COL16A1: variants seen among roughly 807,000 people sequenced by gnomAD.
COL16A1 encodes collagen type XVI alpha 1 chain, also known as collagen alpha-1(XVI) chain.
Under a neutral mutation model 266.3 loss-of-function variants are expected in COL16A1, and 189 were observed. The ratio of observed to expected loss-of-function variants is 0.71; its 90% CI spans 0.63 to 0.80. COL16A1 has a LOEUF of 0.80. Among genes scored for constraint, COL16A1 ranks in the 30% least tolerant of loss-of-function variants. The pLI is 0.00. For synonymous variants in COL16A1, 740 were observed against 782.3 expected (o/e 0.95, Z 0.90); for missense variants, 1,928 against 2,122.4 (o/e 0.91, Z 1.80).
rs112718849 is a variant in COL16A1 at position 31,662,203 on chromosome 1, G to A, written c.3681+131C>T. 3.3e-4 allele frequency: 493 copies of A among 1,504,638 alleles called. 5 individuals are homozygous for A. In the South Asian group the frequency reaches 5.2e-3, roughly 16 times the overall value. The allele number at this position is 1,504,638 out of a possible 1,614,324, so 93.2% of individuals were successfully genotyped here. ...GAGCTGGGGTAGAGGGAGACAGACC[G>A]AGGGAGGGCATGGGTGCCCCCTGAC... On this transcript the variant is annotated intron_variant, in intron 58 of 70. Transcript: ENST00000373672.
At chr1:31,692,996 C>T in intron 13 of COL16A1, 96 bp downstream of exon 13, 1 of 1,023,754 alleles carries the variant, frequency 9.8e-7, no homozygotes, top group African/African-American at 1.6e-5. Context: ...AAGCTGCAGG[C>T]TTTCTGCCGG....
intron 39 of COL16A1, among the ~76,000 whole-genome samples, chr1:31,680,381 G>A (rs573341941): frequency 2.0e-5 from 3 of 152,316 alleles, no homozygotes; most frequent in South Asian, 4.1e-4. Flanking sequence ...TTCAGCAAAC[G>A]ATGGTCCTGC....
At position 31,691,038 on chromosome 1, in the gene COL16A1, G is replaced by T. The variant is rs115001741; in HGVS notation, c.1437+150C>A. On this transcript the variant is annotated intron_variant, in intron 20 of 70. Transcript: ENST00000373672. Reference sequence around the variant, plus strand: ...GGGACAGGACGCTCCCCGCCAAGGGGCCTGGCCAAGCCGAGCCCAGCCTCC... The same window carrying T: ...GGGACAGGACGCTCCCCGCCAAGGGTCCTGGCCAAGCCGAGCCCAGCCTCC... 2.6e-4 allele frequency: 334 copies of T among 1,260,648 alleles called. 1 individual carries two copies. The African/African-American group carries it at 4.3e-3, about 16-fold the overall frequency. 78.1% of individuals were successfully genotyped at this position (1,260,648 alleles called of 1,614,324 possible). A position where few individuals can be genotyped will look rare whatever the true frequency, so the allele number is the denominator to read the frequency against.
At chr1:31,665,506 C>A (rs1214975753) in intron 55 of COL16A1, 77 bp downstream of exon 55, 6 of 1,612,386 alleles carry the variant, frequency 3.7e-6, no homozygotes, top group South Asian at 1.1e-5. Flanking sequence ...CATCCTACCC[C>A]AGCCTGGCCT....
intron 52 of COL16A1, among the ~76,000 whole-genome samples, chr1:31,667,146 C>T (rs959715166): frequency 2.0e-5 from 3 of 152,350 alleles, no homozygotes; most frequent in Non-Finnish European, 2.9e-5. Context: ...GCCCAGGTTC[C>T]ACCACTACCT....
Position 31,667,647 on chromosome 1 carries a change from A to G in COL16A1, c.3304-19T>C. ...TGATGCCCTGACAAGTGGCAAAGAG[A>G]CAGTGGAATTAGCCCCACAGAATTA... On this transcript the variant is annotated intron_variant, in intron 51 of 70. Coordinates refer to ENST00000373672, the MANE Select transcript of COL16A1 (RefSeq NM_001856.4). 1 of 1,599,564 alleles carries G rather than the reference A, an allele frequency of 6.3e-7. No homozygotes were observed. The highest frequency in any genetic ancestry group is 8.5e-7 in the Non-Finnish European group (1 of 1,172,856).
Position 31,656,552 on chromosome 1 carries a change from G to A in COL16A1, c.4057-108C>T, listed in dbSNP as rs113026491. Reference sequence around the variant, plus strand: ...CTTCCACAGCCTGAGGCCCCCAGGTGTGTCCAGCCCAGCTCTGTGTGAGAA... The same window carrying A: ...CTTCCACAGCCTGAGGCCCCCAGGTATGTCCAGCCCAGCTCTGTGTGAGAA... On this transcript the variant is annotated intron_variant, in intron 65 of 70. Coordinates refer to ENST00000373672, the MANE Select transcript of COL16A1 (RefSeq NM_001856.4). The surrounding 1 kb of genome is among the most constrained non-coding windows in gnomAD (Gnocchi z 4.2). 16 of 1,515,850 alleles carry A rather than the reference G, an allele frequency of 1.1e-5. 1 individual carries two copies. In the African/African-American group the frequency reaches 1.1e-4, roughly 11 times the overall value. The allele number at this position is 1,515,850 out of a possible 1,614,324, so 93.9% of individuals were successfully genotyped here.
At chr1:31,701,359 C>G in intron 2 of COL16A1, 1 of 985,362 alleles carries the variant, frequency 1.0e-6, no homozygotes, top group Middle Eastern at 5.2e-4. Context: ...CATATGTGCA[C>G]ATACAAGGGG....
chr1:31,654,091 G>A (rs762278038), intron 68 of COL16A1, 48 bp from the exon 69 acceptor site: 2 of 1,566,580 alleles, frequency 1.3e-6, no homozygotes, highest in Non-Finnish European at 1.7e-6. Context: ...GTCCCCCAGG[G>A]ACTCAGAATG....
rs1021518080 is a variant in COL16A1 at position 31,652,871 on chromosome 1, A to C, written c.4613-18T>G. The C allele has an allele frequency of 1.4e-6, 2 of 1,473,412 alleles. No homozygotes were observed. The highest frequency in any genetic ancestry group is 2.9e-5 in the Admixed American group (1 of 34,896). 91.3% of individuals were successfully genotyped at this position (1,473,412 alleles called of 1,614,324 possible). On this transcript the variant is annotated intron_variant, in intron 70 of 70. Transcript: ENST00000373672. The surrounding 1 kb of genome is among the most constrained non-coding windows in gnomAD (Gnocchi z 4.8). The stretch of plus-strand genomic sequence containing the variant: ...TTGAGGACCTAGGGAGGGAAGGGCC[A>C]CAGAGGGAAAATCAGAAGACCCAGA...
chr1:31,691,964 C>T (rs201462998), intron 17 of COL16A1, 41 bp downstream of exon 17: 104 of 1,613,136 alleles, frequency 6.4e-5, no homozygotes, highest in African/African-American at 1.9e-4. Flanking sequence ...TCTCAGACCC[C>T]GTGCTGTGGG....
chr1:31,671,580 C>T (rs1378105954), intron 48 of COL16A1, 35 bp downstream of exon 48: 2 of 1,613,780 alleles, frequency 1.2e-6, no homozygotes, highest in East Asian at 2.2e-5. Context: ...CCTTTGAGAG[C>T]TTCTCAAGCA....
At chr1:31,659,111 G>A in intron 62 of COL16A1, 147 bp from the exon 63 acceptor site, 1 of 759,030 alleles carries the variant, frequency 1.3e-6, no homozygotes, top group South Asian at 1.7e-5. Flanking sequence ...TTGCACTTGA[G>A]CTTCGGACAA....
chr1:31,655,864 T>C, intron 66 of COL16A1: 1 of 322,088 alleles, frequency 3.1e-6, no homozygotes, highest in Non-Finnish European at 5.8e-6. Flanking sequence ...GATTCTGCCA[T>C]GTTGTTATGG....
chr1:31,677,094 TA>T (rs1212992631), intron 42 of COL16A1, among the ~76,000 whole-genome samples: 1 of 152,128 alleles, frequency 6.6e-6, no homozygotes, highest in Admixed American at 6.5e-5. Flanking sequence ...TTATTATTAT[TA>T]TTATTATTTT....
rs1644546488 is a variant in COL16A1 at position 31,697,407 on chromosome 1, G to A, written c.658-107C>T. The A allele has an allele frequency of 8.7e-7, 1 of 1,146,836 alleles. No individual in the cohort carries two copies. Among genetic ancestry groups the A allele is most frequent in the Non-Finnish European group, 1.2e-6 (1 of 810,244 alleles). 71.0% of individuals were successfully genotyped at this position (1,146,836 alleles called of 1,614,324 possible). A position where few individuals can be genotyped will look rare whatever the true frequency, so the allele number is the denominator to read the frequency against. On this transcript the variant is annotated intron_variant, in intron 6 of 70. Coordinates refer to ENST00000373672, the MANE Select transcript of COL16A1 (RefSeq NM_001856.4). This position sits in a 1 kb window ranked among gnomAD's most constrained non-coding sequence, Gnocchi z 4.2. ...CTCTGCCCCAGGATGTGACCTCAGGGTGTTTCCAGTCTGGCCTGGGAGACA... is the reference window on the plus strand; with the variant it reads ...CTCTGCCCCAGGATGTGACCTCAGGATGTTTCCAGTCTGGCCTGGGAGACA...
chr1:31,668,201 T>A lies in COL16A1; in HGVS notation c.3267A>T (p.Pro1089=). 6.2e-7 allele frequency: 1 copy of A among 1,613,328 alleles called. No individual in the cohort carries two copies. Among genetic ancestry groups the A allele is most frequent in the Non-Finnish European group, 8.5e-7 (1 of 1,179,602 alleles). Residue 1089 remains proline (P), a synonymous_variant, in exon 51 of 71, where the codon CCA becomes CCT. Transcript: ENST00000373672. The surrounding 1 kb of genome is among the most constrained non-coding windows in gnomAD (Gnocchi z 5.8). ...GGGGGCCCGTGGCACCTGGGTAACC[T>A]GGTTGCCCTGGAGGACCCTGCAAAG... The part of the protein sequence containing the change: ...DKGEPGPPGQ[P]GYPGATGPPG...
chr1:31,683,608 G>T, intron 34 of COL16A1, 99 bp downstream of exon 34: 1 of 1,606,546 alleles, frequency 6.2e-7, no homozygotes, highest in Non-Finnish European at 8.5e-7. Flanking sequence ...CTGTGCCTCT[G>T]GGGGCAGGCA....
intron 56 of COL16A1, 27 bp from the exon 57 acceptor site, chr1:31,662,685 C>T: frequency 9.5e-7 from 1 of 1,047,944 alleles, no homozygotes; most frequent in Non-Finnish European, 1.4e-6. Context: ...CCCCCCCCCC[C>T]CGCCCCACAA....
Sources: allele counts gnomAD v4.1 joint callset (sites outside exome capture counted in the v4.1 genomes callset), GRCh38; gene constraint gnomAD v4.1.1; non-coding constraint Gnocchi (gnomAD v3.1); transcripts MANE v1.5; gene names NCBI Gene and HGNC (gene_info 2026-07-23, HGNC 2026-07-21).